The following CYP2S1 variants were observed in gnomAD, a reference collection of about 807,000 sequenced individuals.
CYP2S1 encodes cytochrome P450 family 2 subfamily S member 1, also known as cytochrome P450 2S1.
Under a neutral mutation model 43.5 loss-of-function variants are expected in CYP2S1, and 32 were observed. The observed-to-expected ratio is 0.74, with a 90% confidence interval of 0.56 to 0.99. CYP2S1 has a LOEUF of 0.99. CYP2S1 is among the 50% of genes least tolerant of loss of function. The pLI is 0.00. For missense variants in CYP2S1, 575 were observed against 673.9 expected (o/e 0.85, Z 1.62); for synonymous variants, 283 against 302.9 (o/e 0.93, Z 0.68).
chr19:41,204,945 C>T (rs533063012), intron 7 of CYP2S1, among the ~76,000 whole-genome samples: 1 of 152,208 alleles, frequency 6.6e-6, no homozygotes, highest in Admixed American at 6.5e-5. Context: ...ACTTCCCCCC[C>T]TGAACCTCAA....
chr19:41,193,292 C>G lies in CYP2S1; in HGVS notation c.28C>G (p.Leu10Val). ...GGAGGCGACCGGCACCTGGGCGCTG[C>G]TGCTGGCGCTGGCGCTGCTCCTGCT... MEATGTWALLLALALLLLLT... is the reference protein window; with the variant it reads MEATGTWALVLALALLLLLT... Residue 10 changes from leucine to valine, a missense_variant, in exon 1 of 9, where the codon CTG becomes GTG. Physicochemically the swap from Leu to Val is conservative, Grantham distance 32. Transcript: ENST00000310054. 6.5e-7 allele frequency: 1 copy of G among 1,542,790 alleles called. No homozygotes were observed. The highest frequency in any genetic ancestry group is 1.2e-5 in the South Asian group (1 of 84,042).
At chr19:41,196,228 G>A (rs986853802) in intron 2 of CYP2S1, among the ~76,000 whole-genome samples, 1 of 152,086 alleles carries the variant, frequency 6.6e-6, no homozygotes, top group Non-Finnish European at 1.5e-5. Flanking sequence ...AGGATCATAG[G>A]CCTAGACAGG....
chr19:41,201,287 T>C lies in CYP2S1; in HGVS notation c.891T>C (p.Ile297=). 1 of 1,614,062 alleles carries C rather than the reference T, an allele frequency of 6.2e-7. No homozygotes were observed. Among genetic ancestry groups the C allele is most frequent in the Non-Finnish European group, 8.5e-7 (1 of 1,179,998 alleles). The stretch of plus-strand genomic sequence containing the variant: ...ACAAGAACATGCTGATGACAGTCAT[T>C]TATTTGCTGTTTGCTGGGACGATGA... The part of the protein sequence containing the change: ...FTNKNMLMTV[I]YLLFAGTMTV... The change falls in exon 6 of 9, where the codon ATT becomes ATC. Residue 297 remains isoleucine (I), a synonymous_variant. Transcript: ENST00000310054.
intron 2 of CYP2S1, 61 bp downstream of exon 2, chr19:41,194,770 C>T (rs2033390495): frequency 3.2e-6 from 5 of 1,565,122 alleles, no homozygotes; most frequent in Admixed American, 4.2e-5. Flanking sequence ...GGTGTGTGAC[C>T]TTTGCACATG....
At chr19:41,205,326 CT>C (rs2033549249) in intron 7 of CYP2S1, among the ~76,000 whole-genome samples, 3 of 64,494 alleles carry the variant, frequency 4.7e-5, no homozygotes, top group Admixed American at 3.9e-4. Context: ...TATTCTTTGC[CT>C]TTCTTTCTTT....
intron 7 of CYP2S1, among the ~76,000 whole-genome samples, chr19:41,204,321 T>C (rs1223945933): frequency 6.6e-6 from 1 of 152,162 alleles, no homozygotes; most frequent in Admixed American, 6.6e-5. Flanking sequence ...GAGAAGCAGT[T>C]TGAAAACTGA....
At chr19:41,193,775 G>A (rs994392757) in intron 1 of CYP2S1, 8 of 249,776 alleles carry the variant, frequency 3.2e-5, no homozygotes, top group Non-Finnish European at 5.9e-5. Flanking sequence ...TGATGCAGCT[G>A]GGCTTGTCCC....
In CYP2S1 at chr19:41,199,672, A is replaced by G. The variant is rs373407298; in HGVS notation, c.834+784A>G. Among the ~76,000 whole-genome samples, 31 of 152,210 alleles carry G rather than the reference A, an allele frequency of 2.0e-4. No individual in the cohort carries two copies. In the East Asian group the frequency reaches 6.0e-3, roughly 29 times the overall value. On this transcript the variant is annotated intron_variant, in intron 5 of 8. Coordinates refer to ENST00000310054, the MANE Select transcript of CYP2S1 (RefSeq NM_030622.8). ...AAAGTGCTGGGACTATAGGCATAAGACATCATGCCCGGTCGGGCACAGTGG... is the reference window on the plus strand; with the variant it reads ...AAAGTGCTGGGACTATAGGCATAAGGCATCATGCCCGGTCGGGCACAGTGG...
rs1403786397 is a variant in CYP2S1, at chr19:41,198,721, T to C, written c.667T>C (p.Phe223Leu). Reference sequence around the variant, plus strand: ...CTTCTCCCCACAGACCTACGAGATGTTCTCCTGGTTCCTGCGGCCCCTGCC... The same window carrying C: ...CTTCTCCCCACAGACCTACGAGATGCTCTCCTGGTTCCTGCGGCCCCTGCC... The part of the protein sequence containing the change: ...SSQGGQTYEM[F>L]SWFLRPLPGP... Residue 223 changes from phenylalanine (F) to leucine (L), a missense_variant, in exon 5 of 9, where the codon TTC (phenylalanine) becomes CTC (leucine). Around this residue, in one of 2 missense-constraint regions of CYP2S1, gnomAD observed 353 missense variants for 367.6 expected, o/e 0.96. Coordinates refer to ENST00000310054, the MANE Select transcript of CYP2S1 (RefSeq NM_030622.8). This position sits in a 1 kb window ranked among gnomAD's most constrained non-coding sequence, Gnocchi z 4.9. 1 of 1,614,044 alleles carries C rather than the reference T, an allele frequency of 6.2e-7. No individual in the cohort carries two copies. The highest frequency in any genetic ancestry group is 1.7e-5 in the Admixed American group (1 of 60,016).
chr19:41,206,514 T>G lies in CYP2S1; in HGVS notation c.*26T>G, dbSNP rs1599717433. ...AGGAAGGCAACTTGGAAGTGGTGGG[T>G]GCCCAGGACGGTGCCTCCAGCCTCA... On this transcript the variant is annotated 3_prime_UTR_variant, in exon 9 of 9. Coordinates refer to ENST00000310054, the MANE Select transcript of CYP2S1 (RefSeq NM_030622.8). 1 of 1,613,566 alleles carries G rather than the reference T, an allele frequency of 6.2e-7. No homozygotes were observed. The highest frequency in any genetic ancestry group is 1.3e-5 in the African/African-American group (1 of 74,874).
chr19:41,206,746 T>C lies in CYP2S1; in HGVS notation c.*258T>C. 1 of 713,096 alleles carries C rather than the reference T, an allele frequency of 1.4e-6. No individual in the cohort carries two copies. The highest frequency in any genetic ancestry group is 1.4e-5 in the South Asian group (1 of 72,088). The allele number at this position is 713,096 out of a possible 1,614,324, so 44.2% of individuals were successfully genotyped here. ...TAGCTTTCCACAGACATAAATATAG[T>C]CCATCTGCAATCACAAGCACATAGC... On this transcript the variant is annotated 3_prime_UTR_variant, in exon 9 of 9. Coordinates refer to ENST00000310054, the MANE Select transcript of CYP2S1 (RefSeq NM_030622.8).
At chr19:41,199,895 G>A (rs189734138) in intron 5 of CYP2S1, among the ~76,000 whole-genome samples, 81 of 151,598 alleles carry the variant, frequency 5.3e-4, no homozygotes, top group South Asian at 2.1e-3. Flanking sequence ...GCTTGAACCC[G>A]GGAGGCTTAG....
chr19:41,196,928 G>A (rs1029198007), intron 2 of CYP2S1, among the ~76,000 whole-genome samples: 9 of 152,174 alleles, frequency 5.9e-5, no homozygotes, highest in Non-Finnish European at 1.2e-4. Context: ...CAGGTGCGGT[G>A]CTCACGCTTG....
Position 41,197,877 on chromosome 19 carries a change from C to T in CYP2S1, c.442C>T (p.Leu148=). ...LGMGKREGEE[L]IQAEARCLVE... The stretch of plus-strand genomic sequence containing the variant: ...CATGGGGAAGCGAGAAGGCGAGGAG[C>T]TGATCCAGGCGGAGGCCCGGTGTCT... Residue 148 remains leucine, a synonymous_variant, in exon 3 of 9, where the codon CTG becomes TTG. Transcript: ENST00000310054. 6.2e-7 allele frequency: 1 copy of T among 1,614,054 alleles called. No homozygotes were observed. The highest frequency in any genetic ancestry group is 8.5e-7 in the Non-Finnish European group (1 of 1,180,002).
chr19:41,205,445 CT>C (rs1555727617), intron 7 of CYP2S1, among the ~76,000 whole-genome samples: 24,289 of 117,092 alleles, frequency 0.21, 2,544 homozygotes, highest in East Asian at 0.37. Flanking sequence ...TCTTTCTTTT[CT>C]TTTTCTTTCT....
At chr19:41,197,710 A>AG in intron 2 of CYP2S1, 69 bp from the exon 3 acceptor site, 1 of 1,569,256 alleles carries the variant, frequency 6.4e-7, no homozygotes, top group Non-Finnish European at 8.6e-7. Context: ...AAAAAAAAAA[A>AG]GAAAGAAAGG....
chr19:41,207,226 G>T lies in CYP2S1; in HGVS notation c.*738G>T. The T allele has an allele frequency of 4.0e-6, 1 of 251,958 alleles. No homozygotes were observed. Among genetic ancestry groups the T allele is most frequent in the Non-Finnish European group, 7.9e-6 (1 of 127,050 alleles). 15.6% of individuals were successfully genotyped at this position (251,958 alleles called of 1,614,324 possible). Reference sequence around the variant, plus strand: ...ATTCTACCAAATGCAAACACATCTGGGTCTGCGATTATGCACAGAGACTTT... The same window carrying T: ...ATTCTACCAAATGCAAACACATCTGTGTCTGCGATTATGCACAGAGACTTT... On this transcript the variant is annotated 3_prime_UTR_variant, in exon 9 of 9. Coordinates refer to ENST00000310054, the MANE Select transcript of CYP2S1 (RefSeq NM_030622.8).
At chr19:41,199,104 C>T (rs1342930113) in intron 5 of CYP2S1, among the ~76,000 whole-genome samples, 1 of 152,170 alleles carries the variant, frequency 6.6e-6, no homozygotes, top group African/African-American at 2.4e-5. Flanking sequence ...CTCCCGCCCC[C>T]GACCTGGGCA....
rs182622643 is a variant in CYP2S1 at position 41,203,208 on chromosome 19, G to A, written c.977-242G>A. Among the ~76,000 whole-genome samples the A allele has an allele frequency of 2.0e-4, 28 of 143,196 alleles. No homozygotes were observed. The East Asian group carries it at 4.7e-3, about 24-fold the overall frequency. The allele number at this position is 143,196 out of a possible 152,430, so 93.9% of individuals were successfully genotyped here. A position where few individuals can be genotyped will look rare whatever the true frequency, so the allele number is the denominator to read the frequency against. ...GCCTGGGCAACAAGAGCAAAACTCC[G>A]TTGCAAAAAAAAATAATAATAATAA... On this transcript the variant is annotated intron_variant, in intron 6 of 8. Coordinates refer to ENST00000310054, the MANE Select transcript of CYP2S1 (RefSeq NM_030622.8).
Sources: allele counts gnomAD v4.1 joint callset (sites outside exome capture counted in the v4.1 genomes callset), GRCh38; gene constraint gnomAD v4.1.1; regional missense constraint gnomAD v4.1.1; non-coding constraint Gnocchi (gnomAD v3.1); transcripts MANE v1.5; gene names NCBI Gene and HGNC (gene_info 2026-07-23, HGNC 2026-07-21).